The following PUS10 variants were observed in gnomAD, a reference collection of about 807,000 sequenced individuals.
The protein encoded by PUS10 is pseudouridine synthase 10, also known as tRNA pseudouridine synthase Pus10.
In PUS10, 59 loss-of-function variants were observed where a neutral mutation model predicts 75.0. That is an observed-to-expected ratio of 0.79 (90% CI 0.64 to 0.98). The LOEUF is 0.98. Ranked by LOEUF, PUS10 falls within the 50% of genes least tolerant of loss-of-function variation. PUS10 has a pLI of 0.00. For missense variants in PUS10, 650 were observed against 614.4 expected, an observed-to-expected ratio of 1.06 and a Z score of -0.61; for synonymous variants, 219 against 211.6, an observed-to-expected ratio of 1.03 and a Z score of -0.30.
chr2:60,950,258 T>C (rs1675250887), intron 15 of PUS10, among the ~76,000 whole-genome samples: 1 of 152,208 alleles, frequency 6.6e-6, no homozygotes, highest in Non-Finnish European at 1.5e-5. Flanking sequence ...TACCAAAATA[T>C]TCACACTATA....
chr2:61,006,115 T>C (rs961446386), intron 4 of PUS10, among the ~76,000 whole-genome samples: 4 of 152,186 alleles, frequency 2.6e-5, no homozygotes, highest in African/African-American at 4.8e-5. Context: ...CCTTTTATCA[T>C]TGACTGGAAG....
chr2:61,005,152 T>C (rs1391251342), intron 4 of PUS10, among the ~76,000 whole-genome samples: 2 of 152,116 alleles, frequency 1.3e-5, no homozygotes, highest in African/African-American at 4.8e-5. Context: ...GCCCAGCTAC[T>C]TGGGAGACTG....
At chr2:60,953,689 T>C (rs913031408) in intron 14 of PUS10, among the ~76,000 whole-genome samples, 5 of 152,244 alleles carry the variant, frequency 3.3e-5, no homozygotes, top group African/African-American at 1.2e-4. Flanking sequence ...CTCTTGTATA[T>C]ATAATATCTA....
chr2:61,017,841 C>G (rs570602262), intron 1 of PUS10, 167 bp downstream of exon 1: 1 of 1,550,428 alleles, frequency 6.4e-7, no homozygotes, highest in Non-Finnish European at 8.7e-7. Context: ...AGGACCGGGC[C>G]CCACTTTCCA....
At chr2:61,010,589 T>C in intron 2 of PUS10, 1 of 494,482 alleles carries the variant, frequency 2.0e-6, no homozygotes, top group South Asian at 2.6e-5. Flanking sequence ...CCTCCCAAAG[T>C]GCTAGGATTA....
intron 6 of PUS10, chr2:60,966,830 A>T (rs1676369273): frequency 6.6e-6 from 1 of 152,330 alleles, no homozygotes; most frequent in South Asian, 2.1e-4. Context: ...ATAGGGGTGT[A>T]TCTGATATTC....
chr2:60,973,609 C>T (rs1307356202), intron 4 of PUS10, among the ~76,000 whole-genome samples: 1 of 152,274 alleles, frequency 6.6e-6, no homozygotes, highest in Non-Finnish European at 1.5e-5. Context: ...CAGTTTGGTG[C>T]TGGCCTGCAG....
At chr2:60,946,573 C>T (rs931388911) in intron 16 of PUS10, among the ~76,000 whole-genome samples, 4 of 152,134 alleles carry the variant, frequency 2.6e-5, no homozygotes, top group African/African-American at 9.7e-5. Context: ...GGCAAATATG[C>T]TCCAAACAAC....
Position 60,955,080 on chromosome 2 carries a change from A to G in PUS10, c.1001-6T>C. 1 of 1,578,006 alleles carries G rather than the reference A, an allele frequency of 6.3e-7. No homozygotes were observed. The highest frequency in any genetic ancestry group is 8.6e-7 in the Non-Finnish European group (1 of 1,160,442). On this transcript the variant is annotated splice_polypyrimidine_tract_variant and splice_region_variant and intron_variant, in intron 11 of 17. Coordinates refer to ENST00000316752, the MANE Select transcript of PUS10 (RefSeq NM_144709.4). ...AGAGGATGAAAAATTAAAACCTTTG[A>G]AAAGCAGATAAAGAAAAAAAAATTA...
At chr2:60,977,286 G>A (rs576435949) in intron 4 of PUS10, among the ~76,000 whole-genome samples, 2 of 152,276 alleles carry the variant, frequency 1.3e-5, no homozygotes, top group East Asian at 3.9e-4. Context: ...TAAAAATGGT[G>A]TGTTGCAAAA....
intron 1 of PUS10, chr2:61,017,702 G>A (rs967730623): frequency 3.4e-5 from 48 of 1,398,490 alleles, no homozygotes; most frequent in Non-Finnish European, 4.3e-5. Context: ...CCAGGTGCTG[G>A]TCTACGCGGG....
chr2:60,973,360 G>GC lies in PUS10; in HGVS notation c.469-1804dup, dbSNP rs1050507829. Among the ~76,000 whole-genome samples, 126 of 152,152 alleles carry GC rather than the reference G, an allele frequency of 8.3e-4. 1 individual carries two copies. Among genetic ancestry groups the GC allele is most frequent in the Admixed American group, 5.2e-4 (8 of 15,278 alleles). On this transcript the variant is annotated intron_variant, in intron 4 of 17. Transcript: ENST00000316752. The stretch of plus-strand genomic sequence containing the variant: ...TCTGCACTTTCAGGGACCCGGGAAG[G>GC]CCCCCCCGTTGTCCCCACAGGCCTG...
chr2:60,965,708 C>A, intron 6 of PUS10: 1 of 339,956 alleles, frequency 2.9e-6, no homozygotes, highest in Non-Finnish European at 5.3e-6. Context: ...GTGATCCTAC[C>A]AAAAAAGTTT....
intron 16 of PUS10, among the ~76,000 whole-genome samples, chr2:60,946,456 C>T (rs1394109793): frequency 6.6e-6 from 1 of 152,110 alleles, no homozygotes; most frequent in Non-Finnish European, 1.5e-5. Context: ...GAAAAGACAT[C>T]AAATTCTACA....
chr2:61,005,121 C>T (rs969974534), intron 4 of PUS10, among the ~76,000 whole-genome samples: 4 of 152,024 alleles, frequency 2.6e-5, no homozygotes, highest in African/African-American at 9.7e-5. Context: ...ATTAGCCAGG[C>T]GTGGTGACGC....
At chr2:60,995,282 T>C (rs186437072) in intron 4 of PUS10, among the ~76,000 whole-genome samples, 174 of 152,346 alleles carry the variant, frequency 1.1e-3, no homozygotes, top group Non-Finnish European at 1.8e-3. Flanking sequence ...AGATATTCAA[T>C]AACTGTTGGT....
intron 4 of PUS10, among the ~76,000 whole-genome samples, chr2:61,001,781 T>G (rs747001948): frequency 6.6e-6 from 1 of 152,228 alleles, no homozygotes; most frequent in East Asian, 1.9e-4. Context: ...AGATCCCTAC[T>G]TCTTCATTCA....
At position 61,018,225 on chromosome 2, in the gene PUS10, A is replaced by G; in HGVS notation, c.-233T>C. ...TAGCAGTTGAGAGCGGCATTTGTCC[A>G]GCCACGGCATCGACAGGGAGCAAAG... On this transcript the variant is annotated 5_prime_UTR_variant, in exon 1 of 18. Coordinates refer to ENST00000316752, the MANE Select transcript of PUS10 (RefSeq NM_144709.4). 1.3e-6 allele frequency: 2 copies of G among 1,551,100 alleles called. No individual in the cohort carries two copies. The highest frequency in any genetic ancestry group is 4.9e-5 in the East Asian group (2 of 41,060).
chr2:60,981,935 T>C (rs1034905288), intron 4 of PUS10, among the ~76,000 whole-genome samples: 3 of 152,138 alleles, frequency 2.0e-5, no homozygotes, highest in Non-Finnish European at 4.4e-5. Context: ...GACCACACTT[T>C]GAAACAAACA....
Sources: allele counts gnomAD v4.1 joint callset (sites outside exome capture counted in the v4.1 genomes callset), GRCh38; gene constraint gnomAD v4.1.1; transcripts MANE v1.5; gene names NCBI Gene and HGNC (gene_info 2026-07-23, HGNC 2026-07-21).